ZFPM2: variants seen among roughly 807,000 people sequenced by gnomAD.
ZFPM2 encodes zinc finger protein, FOG family member 2.
A neutral mutation model predicts 98.6 loss-of-function variants in ZFPM2; 20 were observed. The ratio of observed to expected loss-of-function variants is 0.20; its 90% CI spans 0.14 to 0.29. The LOEUF (loss-of-function observed/expected upper bound fraction) is 0.29, where lower values mean the gene tolerates loss of function less well. ZFPM2 is among the 10% of genes least tolerant of loss of function. The pLI is 1.00. For synonymous variants in ZFPM2, 518 were observed against 502.7 expected, an observed-to-expected ratio of 1.03 and a Z score of -0.41; for missense variants, 1,310 against 1,388.6, an observed-to-expected ratio of 0.94 and a Z score of 0.90.
At chr8:105,395,915 GT>G (rs1189232282) in intron 1 of ZFPM2, among the ~76,000 whole-genome samples, 4 of 152,166 alleles carry the variant, frequency 2.6e-5, no homozygotes, top group African/African-American at 9.7e-5. Flanking sequence ...GCCAGTCATT[GT>G]TTTCCAAGTG....
At chr8:105,360,762 T>C (rs913209650) in intron 1 of ZFPM2, among the ~76,000 whole-genome samples, 3 of 145,786 alleles carry the variant, frequency 2.1e-5, no homozygotes, top group African/African-American at 7.6e-5. Context: ...CTGAGAATGA[T>C]GATTTCCAAT....
At chr8:105,350,744 A>T (rs898777972) in intron 1 of ZFPM2, among the ~76,000 whole-genome samples, 1 of 152,136 alleles carries the variant, frequency 6.6e-6, no homozygotes, top group Non-Finnish European at 1.5e-5. Context: ...TGACTTTTGG[A>T]GGACACAAAA....
intron 4 of ZFPM2, among the ~76,000 whole-genome samples, chr8:105,631,956 T>A (rs1003096445): frequency 8.5e-5 from 13 of 152,218 alleles, no homozygotes; most frequent in African/African-American, 3.1e-4. Flanking sequence ...AAATAATTAT[T>A]TTTCGTGAAA....
Position 105,768,742 on chromosome 8 carries a change from T to G in ZFPM2, c.533-19976T>G, listed in dbSNP as rs1295808920. 2.0e-5 allele frequency among the ~76,000 whole-genome samples: 3 copies of G among 152,002 alleles called. No homozygotes were observed. The East Asian group carries it at 5.8e-4, about 29-fold the overall frequency. On this transcript the variant is annotated intron_variant, in intron 5 of 7. Transcript: ENST00000407775. ...AAAATACCTACCTTGTAAAATTGTT[T>G]GGGAAAAAGTTAGATATCCACAGTT...
chr8:105,420,766 T>C (rs1279650709), intron 2 of ZFPM2, among the ~76,000 whole-genome samples: 1 of 152,192 alleles, frequency 6.6e-6, no homozygotes, highest in Non-Finnish European at 1.5e-5. Flanking sequence ...TTTTTCTTAT[T>C]AGGAAATACA....
intron 5 of ZFPM2, among the ~76,000 whole-genome samples, chr8:105,696,181 T>C (rs2130948355): frequency 1.3e-5 from 2 of 152,298 alleles, no homozygotes; most frequent in Middle Eastern, 6.8e-3. Context: ...TCTACCCCTT[T>C]GGGCCCTGCC....
At chr8:105,673,492 C>G (rs1223720344) in intron 5 of ZFPM2, among the ~76,000 whole-genome samples, 41 of 152,008 alleles carry the variant, frequency 2.7e-4, no homozygotes, top group Non-Finnish European at 5.9e-5. Flanking sequence ...GAGCATGACT[C>G]TTTCTGGGAG....
intron 1 of ZFPM2, among the ~76,000 whole-genome samples, chr8:105,364,502 A>G (rs1810471611): frequency 6.6e-6 from 1 of 152,116 alleles, no homozygotes; most frequent in Non-Finnish European, 1.5e-5. Flanking sequence ...CTTATATTCA[A>G]CAAATGTGTC....
At chr8:105,474,163 G>T (rs1485737449) in intron 3 of ZFPM2, among the ~76,000 whole-genome samples, 1 of 152,112 alleles carries the variant, frequency 6.6e-6, no homozygotes, top group Non-Finnish European at 1.5e-5. Context: ...TTTGTTTTTA[G>T]TTTTCTGTTT....
In ZFPM2 at chr8:105,803,428, A is replaced by G. The variant is rs1209193325; in HGVS notation, c.3346A>G (p.Thr1116Ala). 1.9e-6 allele frequency: 3 copies of G among 1,613,856 alleles called. No homozygotes were observed. The highest frequency in any genetic ancestry group is 2.5e-6 in the Non-Finnish European group (3 of 1,179,836). The stretch of plus-strand genomic sequence containing the variant: ...TGTGAATGGTTCCAGCCAGGCTCCA[A>G]CCAGTGGGAAATATTGCCGGCTATG... ...KGVNGSSQAP[T>A]SGKYCRLCDI... is the part of the protein sequence containing the mutation. The change falls in exon 8 of 8, where the codon ACC becomes GCC. Residue 1116 changes from threonine (T) to alanine (A), a missense_variant. By Grantham distance (58) the Thr-to-Ala change is moderately conservative (BLOSUM62 0). Coordinates refer to ENST00000407775, the MANE Select transcript of ZFPM2 (RefSeq NM_012082.4).
At chr8:105,556,359 A>G (rs1376086469) in intron 3 of ZFPM2, among the ~76,000 whole-genome samples, 3 of 152,184 alleles carry the variant, frequency 2.0e-5, no homozygotes, top group Non-Finnish European at 4.4e-5. Context: ...GTATATGGAC[A>G]TGCTCTTAGA....
At chr8:105,432,892 G>A (rs535379936) in intron 2 of ZFPM2, among the ~76,000 whole-genome samples, 99 of 152,282 alleles carry the variant, frequency 6.5e-4, no homozygotes, top group African/African-American at 2.1e-3. Flanking sequence ...TTGAGGCCAG[G>A]AGTTTGAGAC....
chr8:105,424,931 A>C (rs1343432160), intron 2 of ZFPM2, among the ~76,000 whole-genome samples: 3 of 152,168 alleles, frequency 2.0e-5, no homozygotes, highest in Non-Finnish European at 4.4e-5. Flanking sequence ...AAAGCAGGCA[A>C]AGTTGGTAGA....
intron 1 of ZFPM2, among the ~76,000 whole-genome samples, chr8:105,370,380 T>G (rs2129810482): frequency 6.6e-6 from 1 of 152,348 alleles, no homozygotes; most frequent in Non-Finnish European, 1.5e-5. Flanking sequence ...TTTCCCAAAT[T>G]GTGACGTAAT....
At chr8:105,397,352 C>G (rs1341100723) in intron 1 of ZFPM2, among the ~76,000 whole-genome samples, 3 of 151,896 alleles carry the variant, frequency 2.0e-5, no homozygotes, top group Admixed American at 1.3e-4. Context: ...CTATAAATAC[C>G]TAATAAATAT....
intron 6 of ZFPM2, among the ~76,000 whole-genome samples, chr8:105,793,320 T>G (rs1009177249): frequency 5.9e-5 from 9 of 152,150 alleles, no homozygotes; most frequent in East Asian, 1.9e-4. Flanking sequence ...GTCTGTAAAG[T>G]ATTTTATTTC....
chr8:105,453,113 A>C (rs1355805049), intron 3 of ZFPM2, among the ~76,000 whole-genome samples: 1 of 152,216 alleles, frequency 6.6e-6, no homozygotes, highest in Non-Finnish European at 1.5e-5. Context: ...AATTACTAGA[A>C]GGGTAATATT....
intron 3 of ZFPM2, among the ~76,000 whole-genome samples, chr8:105,459,299 C>T (rs1402659905): frequency 6.6e-6 from 1 of 152,162 alleles, no homozygotes; most frequent in Non-Finnish European, 1.5e-5. Context: ...GAACCAGAAC[C>T]TTCCAAACTG....
intron 3 of ZFPM2, among the ~76,000 whole-genome samples, chr8:105,559,157 G>T (rs1327569982): frequency 6.6e-6 from 1 of 152,108 alleles, no homozygotes; most frequent in African/African-American, 2.4e-5. Flanking sequence ...GCACAAAGAT[G>T]AAAAACATTT....
Sources: gnomAD v4.1 joint callset for allele counts (sites outside exome capture counted in the v4.1 genomes callset) on GRCh38, gnomAD v4.1.1 for gene constraint, MANE v1.5 for transcripts, NCBI Gene and HGNC (gene_info 2026-07-23, HGNC 2026-07-21) for gene names.